STYK1: variants seen among roughly 807,000 people sequenced by gnomAD.
STYK1 encodes tyrosine-protein kinase STYK1.
In STYK1, 46 loss-of-function variants were observed where a neutral mutation model predicts 48.1. The observed-to-expected ratio is 0.96, with a 90% confidence interval of 0.75 to 1.22. STYK1 has a LOEUF of 1.22. Ranked by LOEUF, STYK1 falls within the 50% of genes most tolerant of loss-of-function variation. The pLI, the probability that STYK1 is intolerant of heterozygous loss-of-function variation, is 0.00. For synonymous variants in STYK1, 188 were observed against 189.0 expected (o/e 0.99, Z 0.04); for missense variants, 527 against 521.1 (o/e 1.01, Z -0.11).
chr12:10,654,929 T>C (rs530686545), intron 1 of STYK1, among the ~76,000 whole-genome samples: 1 of 152,210 alleles, frequency 6.6e-6, no homozygotes, highest in East Asian at 1.9e-4. Context: ...GAGAGCTGAC[T>C]GGACTGCTAG....
At chr12:10,624,573 G>A in intron 8 of STYK1, 78 bp downstream of exon 8, 1 of 1,288,366 alleles carries the variant, frequency 7.8e-7, no homozygotes, top group South Asian at 1.2e-5. Flanking sequence ...TACAGAATTG[G>A]CAACAGATCA....
chr12:10,628,572 C>T (rs1263869878), intron 6 of STYK1, among the ~76,000 whole-genome samples: 1 of 152,182 alleles, frequency 6.6e-6, no homozygotes, highest in Non-Finnish European at 1.5e-5. Flanking sequence ...AAGACAATAA[C>T]AGGGTCCCTT....
intron 1 of STYK1, among the ~76,000 whole-genome samples, chr12:10,655,287 G>A (rs760439128): frequency 1.3e-5 from 2 of 152,164 alleles, no homozygotes; most frequent in Non-Finnish European, 2.9e-5. Context: ...TTGTAACCAT[G>A]TGGCAGTACT....
chr12:10,626,715 A>G (rs1034651661), intron 7 of STYK1, among the ~76,000 whole-genome samples: 6 of 152,088 alleles, frequency 3.9e-5, no homozygotes, highest in African/African-American at 1.4e-4. Flanking sequence ...TCGTTATTTA[A>G]GTTGTTTTAG....
intron 5 of STYK1, among the ~76,000 whole-genome samples, chr12:10,630,047 GA>G (rs755488961): frequency 7.8e-4 from 1 of 1,288 alleles, no homozygotes; most frequent in Non-Finnish European, 0.013. Flanking sequence ...GAGAGAGAGA[GA>G]GAGAGAGAGA....
At chr12:10,667,523 G>C (rs1947845761) in intron 1 of STYK1, 1 of 152,090 alleles carries the variant, frequency 6.6e-6, no homozygotes, top group African/African-American at 2.4e-5. Context: ...CCAGCTACTG[G>C]GGAGGTTGAG....
intron 1 of STYK1, among the ~76,000 whole-genome samples, chr12:10,673,101 T>C (rs759620945): frequency 6.7e-6 from 1 of 150,234 alleles, no homozygotes; most frequent in Non-Finnish European, 1.5e-5. Flanking sequence ...AACAATCGCA[T>C]AAATGAAAGA....
chr12:10,620,232 TGTAACACAGCCTC>T lies in STYK1; in HGVS notation c.1168_1180del (p.Glu390LysfsTer40), dbSNP rs766676963. The T allele has an allele frequency of 9.3e-5, 150 of 1,614,122 alleles. No homozygotes were observed. Among genetic ancestry groups the T allele is most frequent in the Non-Finnish European group, 9.7e-5 (114 of 1,180,050 alleles). ...TTCAGGTACCACCAACTCTGGTACTTGTAACACAGCCTCGTCATCTGCAGTTTTAATGGCAGCT... is the reference window on the plus strand; with the variant it reads ...TTCAGGTACCACCAACTCTGGTACTTGTCATCTGCAGTTTTAATGGCAGCT... On this transcript the variant is annotated frameshift_variant, in exon 11 of 11. Transcript: ENST00000075503. LOFTEE classifies it high-confidence loss of function.
intron 1 of STYK1, among the ~76,000 whole-genome samples, chr12:10,653,591 C>T (rs758782424): frequency 9.2e-5 from 14 of 152,046 alleles, no homozygotes; most frequent in Non-Finnish European, 2.1e-4. Context: ...AATTTAATAC[C>T]TTATATCATT....
intron 1 of STYK1, among the ~76,000 whole-genome samples, chr12:10,650,027 T>C (rs1209283437): frequency 2.2e-5 from 3 of 138,010 alleles, no homozygotes; most frequent in African/African-American, 8.2e-5. Context: ...GGCAGGAGAA[T>C]GGCATCAACC....
intron 1 of STYK1, among the ~76,000 whole-genome samples, chr12:10,666,817 A>G (rs1379355151): frequency 1.3e-5 from 2 of 152,196 alleles, no homozygotes; most frequent in East Asian, 1.9e-4. Context: ...CCATGGTTAT[A>G]AGTTTCTTGA....
intron 1 of STYK1, among the ~76,000 whole-genome samples, chr12:10,638,468 A>G (rs1239066485): frequency 2.0e-5 from 3 of 152,364 alleles, no homozygotes; most frequent in East Asian, 3.9e-4. Context: ...TTACAAGACT[A>G]TAGTCTGAAG....
At chr12:10,671,478 C>A (rs1947891736) in intron 1 of STYK1, among the ~76,000 whole-genome samples, 1 of 152,086 alleles carries the variant, frequency 6.6e-6, no homozygotes, top group South Asian at 2.1e-4. Flanking sequence ...AAACACTTTA[C>A]CGGCCATTCC....
chr12:10,622,795 CA>C (rs1209810165), intron 8 of STYK1, 117 bp from the exon 9 acceptor site: 7 of 1,205,846 alleles, frequency 5.8e-6, no homozygotes, highest in Middle Eastern at 2.5e-4. Flanking sequence ...GAAGGAGAAT[CA>C]AGGATGAGTG....
chr12:10,658,212 A>G (rs1009894134), intron 1 of STYK1, among the ~76,000 whole-genome samples: 1 of 152,224 alleles, frequency 6.6e-6, no homozygotes, highest in Non-Finnish European at 1.5e-5. Flanking sequence ...AGAGTTTAAA[A>G]AGGTTTATGG....
Position 10,620,230 on chromosome 12 carries a change from C to G in STYK1, c.1183G>C (p.Val395Leu). The part of the protein sequence containing the change: ...KTADDEAVLQ[V>L]PELVVPELYA... ...AGTTCAGGTACCACCAACTCTGGTA[C>G]TTGTAACACAGCCTCGTCATCTGCA... Residue 395 changes from valine to leucine, a missense_variant, in exon 11 of 11, where the codon GTA becomes CTA. Val to Leu is a conservative substitution (Grantham distance 32). Coordinates refer to ENST00000075503, the MANE Select transcript of STYK1 (RefSeq NM_018423.3). The G allele has an allele frequency of 6.2e-7, 1 of 1,614,242 alleles. No individual in the cohort carries two copies. The highest frequency in any genetic ancestry group is 8.5e-7 in the Non-Finnish European group (1 of 1,180,048).
chr12:10,627,720 A>G lies in STYK1; in HGVS notation c.638T>C (p.Val213Ala). 1 of 1,610,906 alleles carries G rather than the reference A, an allele frequency of 6.2e-7. No homozygotes were observed. Among genetic ancestry groups the G allele is most frequent in the African/African-American group, 1.3e-5 (1 of 74,884 alleles). ...LSFLWTCRRDVMTMDGLLYDL... is the reference protein window; with the variant it reads ...LSFLWTCRRDAMTMDGLLYDL... Reference sequence around the variant, plus strand: ...ATAGAGAAGACCATCCATAGTCATCACATCCTAAAGAGACAGGGAAAAAAA... The same window carrying G: ...ATAGAGAAGACCATCCATAGTCATCGCATCCTAAAGAGACAGGGAAAAAAA... Residue 213 changes from valine to alanine, a missense_variant, in exon 7 of 11, where the codon GTG becomes GCG. Physicochemically the swap from Val to Ala is moderately conservative, Grantham distance 64 (BLOSUM62 0). Transcript: ENST00000075503.
rs1462021404 is a variant in STYK1, at chr12:10,621,969, G to A, written c.971C>T (p.Ala324Val). Residue 324 changes from alanine (A) to valine (V), a missense_variant, in exon 10 of 11, where the codon GCA becomes GTA. Coordinates refer to ENST00000075503, the MANE Select transcript of STYK1 (RefSeq NM_018423.3). Reference sequence around the variant, plus strand: ...AGGAGGGACTTCAGGATACGGTGGTGCTCCTGTCATTACGAAAATAATGAG... The same window carrying A: ...AGGAGGGACTTCAGGATACGGTGGTACTCCTGTCATTACGAAAATAATGAG... The part of the protein sequence containing the change: ...ILLYEMVTLG[A>V]PPYPEVPPTS... 6.2e-7 allele frequency: 1 copy of A among 1,612,982 alleles called. No individual in the cohort carries two copies. Among genetic ancestry groups the A allele is most frequent in the Non-Finnish European group, 8.5e-7 (1 of 1,179,336 alleles).
chr12:10,659,234 G>A (rs531744974), intron 1 of STYK1, among the ~76,000 whole-genome samples: 12 of 152,200 alleles, frequency 7.9e-5, no homozygotes, highest in Admixed American at 3.9e-4. Flanking sequence ...ACATTTTTGA[G>A]TTATCTGTAG....
Sources: gnomAD v4.1 joint callset for allele counts (sites outside exome capture counted in the v4.1 genomes callset) on GRCh38, gnomAD v4.1.1 for gene constraint, MANE v1.5 for transcripts, NCBI Gene and HGNC (gene_info 2026-07-23, HGNC 2026-07-21) for gene names.